FSTL5: variants seen among roughly 807,000 people sequenced by gnomAD.
The protein encoded by FSTL5 is follistatin like 5.
In FSTL5, 62 loss-of-function variants were observed where a neutral mutation model predicts 89.1. The observed-to-expected ratio is 0.70, with a 90% CI of 0.57 to 0.86. The LOEUF (loss-of-function observed/expected upper bound fraction) is 0.86, where lower values mean the gene tolerates loss of function less well. Ranked by LOEUF, FSTL5 falls within the 40% of genes least tolerant of loss-of-function variation. FSTL5 has a pLI of 0.00. For missense variants in FSTL5, 1,057 were observed against 1,001.6 expected, an observed-to-expected ratio of 1.06 and a Z score of -0.75; for synonymous variants, 383 against 346.2, an observed-to-expected ratio of 1.11 and a Z score of -1.18.
At chr4:161,773,983 C>T (rs758422667) in intron 5 of FSTL5, among the ~76,000 whole-genome samples, 5 of 152,196 alleles carry the variant, frequency 3.3e-5, no homozygotes, top group South Asian at 2.1e-4. Context: ...GTGATATGGC[C>T]GGGCGTGGTG....
At chr4:161,689,834 A>G (rs1251285691) in intron 6 of FSTL5, among the ~76,000 whole-genome samples, 2 of 152,098 alleles carry the variant, frequency 1.3e-5, no homozygotes, top group African/African-American at 4.8e-5. Context: ...ACTGACAACT[A>G]CTAATCAGCT....
chr4:161,521,816 T>C (rs1321047314), intron 10 of FSTL5, among the ~76,000 whole-genome samples: 1 of 116,760 alleles, frequency 8.6e-6, no homozygotes, highest in Non-Finnish European at 1.6e-5. Context: ...GCCACTGCAC[T>C]CCAGCCTGGA....
chr4:162,093,495 A>G (rs1205163623), intron 2 of FSTL5, among the ~76,000 whole-genome samples: 1 of 152,176 alleles, frequency 6.6e-6, no homozygotes. Flanking sequence ...AAAACACAAT[A>G]TTGGAGCCAA....
chr4:162,054,498 A>G (rs1260236164), intron 2 of FSTL5, among the ~76,000 whole-genome samples: 1 of 151,900 alleles, frequency 6.6e-6, no homozygotes, highest in East Asian at 1.9e-4. Flanking sequence ...CATTACCACT[A>G]TTTGATAAAG....
chr4:161,712,525 T>C (rs1351647132), intron 6 of FSTL5, among the ~76,000 whole-genome samples: 2 of 152,176 alleles, frequency 1.3e-5, no homozygotes, highest in African/African-American at 2.4e-5. Flanking sequence ...CAAAATCAGG[T>C]AATCAATGCA....
chr4:161,960,446 G>A (rs1334281697), intron 3 of FSTL5, among the ~76,000 whole-genome samples: 1 of 151,830 alleles, frequency 6.6e-6, no homozygotes, highest in Non-Finnish European at 1.5e-5. Context: ...AAAGTGCTGG[G>A]TGCTGGGATT....
At chr4:161,615,785 A>G (rs1184914429) in intron 7 of FSTL5, among the ~76,000 whole-genome samples, 1 of 152,144 alleles carries the variant, frequency 6.6e-6, no homozygotes. Context: ...CGAATGCACA[A>G]GTATTCTTCA....
chr4:162,135,318 T>G (rs2111467003), intron 1 of FSTL5, among the ~76,000 whole-genome samples: 1 of 152,108 alleles, frequency 6.6e-6, no homozygotes, highest in Non-Finnish European at 1.5e-5. Flanking sequence ...TTTTTTCTTT[T>G]GTTATAATAA....
chr4:161,603,012 CA>C (rs906606327), intron 7 of FSTL5, among the ~76,000 whole-genome samples: 1 of 151,558 alleles, frequency 6.6e-6, no homozygotes, highest in African/African-American at 2.4e-5. Context: ...CTACATTAAA[CA>C]AAAAAGGGTA....
intron 15 of FSTL5, among the ~76,000 whole-genome samples, chr4:161,453,206 C>T (rs1733232368): frequency 6.6e-6 from 1 of 151,994 alleles, no homozygotes; most frequent in Admixed American, 6.6e-5. Context: ...AAATTTTTCT[C>T]AAAGAAATTG....
chr4:161,736,699 T>C (rs1459844090), intron 6 of FSTL5, among the ~76,000 whole-genome samples: 1 of 152,118 alleles, frequency 6.6e-6, no homozygotes, highest in East Asian at 1.9e-4. Flanking sequence ...GGGGGCTGCA[T>C]AATCTGAAGA....
intron 3 of FSTL5, among the ~76,000 whole-genome samples, chr4:162,003,179 T>A (rs1736516524): frequency 1.3e-5 from 2 of 152,090 alleles, no homozygotes; most frequent in South Asian, 4.1e-4. Flanking sequence ...ATTTATTATT[T>A]TATTTATCTC....
At chr4:161,919,881 T>A (rs1341374616) in intron 4 of FSTL5, among the ~76,000 whole-genome samples, 1 of 152,200 alleles carries the variant, frequency 6.6e-6, no homozygotes, top group Non-Finnish European at 1.5e-5. Flanking sequence ...TTAAAAAAAA[T>A]TTAACTATGG....
chr4:161,488,541 G>C (rs1170483720), intron 12 of FSTL5, among the ~76,000 whole-genome samples: 1 of 152,078 alleles, frequency 6.6e-6, no homozygotes, highest in East Asian at 1.9e-4. Flanking sequence ...TGAGGACAAA[G>C]AGACCTCAAT....
In FSTL5 at chr4:162,006,600, A is replaced by T. The variant is rs182630652; in HGVS notation, c.160+27025T>A. Among the ~76,000 whole-genome samples the T allele has an allele frequency of 1.7e-3, 264 of 152,088 alleles. 7 individuals are homozygous for T. Among genetic ancestry groups the T allele is most frequent in the Non-Finnish European group, 4.7e-4 (32 of 67,846 alleles). ...TACTCAATAATTAGCATTATTATCC[A>T]GTTGGTAACAAGAAAAATTTCAATT... On this transcript the variant is annotated intron_variant, in intron 3 of 15. Transcript: ENST00000306100.
chr4:161,997,698 G>A (rs1235508543), intron 3 of FSTL5, among the ~76,000 whole-genome samples: 2 of 144,126 alleles, frequency 1.4e-5, no homozygotes, highest in African/African-American at 5.1e-5. Flanking sequence ...TCCGCCTCCC[G>A]GGTGCACGCT....
At chr4:162,046,850 A>T (rs1190757796) in intron 2 of FSTL5, among the ~76,000 whole-genome samples, 1 of 152,132 alleles carries the variant, frequency 6.6e-6, no homozygotes, top group African/African-American at 2.4e-5. Context: ...TTATCCCTTA[A>T]TAGATTTGGG....
chr4:162,156,925 A>T (rs965024621), intron 1 of FSTL5, among the ~76,000 whole-genome samples: 75 of 152,100 alleles, frequency 4.9e-4, no homozygotes, highest in Non-Finnish European at 8.8e-5. Context: ...AACTTTTTTT[A>T]AAAAAAGATG....
chr4:161,972,677 C>T (rs1735519019), intron 3 of FSTL5, among the ~76,000 whole-genome samples: 1 of 152,158 alleles, frequency 6.6e-6, no homozygotes, highest in Non-Finnish European at 1.5e-5. Flanking sequence ...AAAACCACAG[C>T]CATGATTAAC....
Sources: allele counts gnomAD v4.1 joint callset (sites outside exome capture counted in the v4.1 genomes callset), GRCh38; gene constraint gnomAD v4.1.1; transcripts MANE v1.5; gene names NCBI Gene and HGNC (gene_info 2026-07-23, HGNC 2026-07-21).